Variants in CUX1 observed in about 807,000 individuals in gnomAD.
CUX1 encodes the protein protein CASP.
In CUX1, 31 loss-of-function variants were observed where a neutral mutation model predicts 158.8. That is an observed-to-expected ratio of 0.20 (90% CI 0.15 to 0.26). The LOEUF (loss-of-function observed/expected upper bound fraction) is 0.26, where lower values mean the gene tolerates loss of function less well. Ranked by LOEUF, CUX1 falls within the 10% of genes least tolerant of loss-of-function variation. CUX1 has a pLI of 1.00. For missense variants in CUX1, 1,589 were observed against 2,014.6 expected (o/e 0.79, Z 4.04); for synonymous variants, 879 against 862.1 (o/e 1.02, Z -0.34).
At chr7:102,271,966 G>A (rs1248476542) in intron 14 of CUX1, among the ~76,000 whole-genome samples, 1 of 152,208 alleles carries the variant, frequency 6.6e-6, no homozygotes, top group Non-Finnish European at 1.5e-5. Flanking sequence ...AGGTTGCAGT[G>A]AGCCGAGATG....
chr7:102,019,155 C>T (rs934675621), intron 2 of CUX1, among the ~76,000 whole-genome samples: 1 of 152,198 alleles, frequency 6.6e-6, no homozygotes, highest in African/African-American at 2.4e-5. Context: ...GGTCCACATT[C>T]AGGCATTGCC....
At chr7:101,937,302 T>C (rs920176415) in intron 2 of CUX1, among the ~76,000 whole-genome samples, 1 of 152,136 alleles carries the variant, frequency 6.6e-6, no homozygotes, top group Non-Finnish European at 1.5e-5. Flanking sequence ...CATCAATGTT[T>C]AGACCTAAAA....
chr7:101,940,689 T>G (rs1318979185), intron 2 of CUX1, among the ~76,000 whole-genome samples: 6 of 152,026 alleles, frequency 3.9e-5, no homozygotes. Flanking sequence ...TCTGGGGAGG[T>G]AAGACCAGCA....
chr7:102,145,723 G>C (rs1207687943), intron 8 of CUX1, among the ~76,000 whole-genome samples: 1 of 152,106 alleles, frequency 6.6e-6, no homozygotes, highest in Non-Finnish European at 1.5e-5. Context: ...GAGGTGGGTG[G>C]ATCATCTGAG....
At chr7:102,168,923 C>CTTTT (rs1191271149) in intron 9 of CUX1, among the ~76,000 whole-genome samples, 3 of 45,046 alleles carry the variant, frequency 6.7e-5, no homozygotes, top group African/African-American at 4.8e-4. Flanking sequence ...ATTTTCTTTT[C>CTTTT]TTTTCTTTTA....
At chr7:101,834,981 G>A (rs1794464314) in intron 1 of CUX1, among the ~76,000 whole-genome samples, 1 of 149,618 alleles carries the variant, frequency 6.7e-6, no homozygotes, top group South Asian at 2.1e-4. Flanking sequence ...GGGTGACAGA[G>A]CGAGACTCTG....
At position 102,196,911 on chromosome 7, in the gene CUX1, C is replaced by T. The variant is rs782715377; in HGVS notation, c.1500C>T (p.Ala500=). ...QSFYSKAMQE[A]GSTSMIFSTG... The stretch of plus-strand genomic sequence containing the variant: ...TCTACTCCAAGGCTATGCAGGAAGC[C>T]GGAAGCACAAGCATGATTTTTTCAA... The change falls in exon 15 of 24, where the codon GCC becomes GCT. Residue 500 remains alanine, a synonymous_variant. Coordinates refer to ENST00000292535, the MANE Select transcript of CUX1 (RefSeq NM_181552.4). The T allele has an allele frequency of 9.9e-6, 16 of 1,614,134 alleles. No homozygotes were observed. Among genetic ancestry groups the T allele is most frequent in the Non-Finnish European group, 1.3e-5 (15 of 1,180,032 alleles).
intron 23 of CUX1, among the ~76,000 whole-genome samples, chr7:102,247,422 C>T (rs1265778325): frequency 2.0e-5 from 3 of 152,228 alleles, no homozygotes; most frequent in African/African-American, 7.2e-5. Context: ...TTCGTTACTG[C>T]ACACCAGGCG....
At chr7:102,015,339 T>C (rs1023857607) in intron 2 of CUX1, among the ~76,000 whole-genome samples, 8 of 152,046 alleles carry the variant, frequency 5.3e-5, no homozygotes, top group Non-Finnish European at 7.4e-5. Flanking sequence ...GCAATTCTCC[T>C]GCCTCAGCCT....
At chr7:101,824,223 T>G (rs2906720) in intron 1 of CUX1, among the ~76,000 whole-genome samples, 110,170 of 152,044 alleles carry the variant, frequency 0.72, 40,687 homozygotes, top group African/African-American at 0.86. Context: ...CGAGTAGCTG[T>G]GATTACAGGT....
intron 2 of CUX1, among the ~76,000 whole-genome samples, chr7:102,024,340 TC>T (rs1448841806): frequency 6.6e-6 from 1 of 152,166 alleles, no homozygotes; most frequent in East Asian, 1.9e-4. Context: ...TTTTGTTTTT[TC>T]TTTGAGACAG....
At chr7:102,230,924 G>A (rs781968324) in intron 21 of CUX1, among the ~76,000 whole-genome samples, 22 of 151,900 alleles carry the variant, frequency 1.4e-4, no homozygotes, top group Non-Finnish European at 2.5e-4. Context: ...GCAGTGGCAC[G>A]ATCATAGCTT....
At chr7:102,226,532 T>G (rs1441051096) in intron 20 of CUX1, among the ~76,000 whole-genome samples, 1 of 151,972 alleles carries the variant, frequency 6.6e-6, no homozygotes, top group Non-Finnish European at 1.5e-5. Context: ...CAAGACCCCA[T>G]CTCTAAAAAC....
At chr7:102,147,391 G>A (rs1305958008) in intron 8 of CUX1, among the ~76,000 whole-genome samples, 7 of 152,198 alleles carry the variant, frequency 4.6e-5, no homozygotes, top group Non-Finnish European at 1.0e-4. Flanking sequence ...TGTTGGGCAC[G>A]GGGATGAGTG....
At chr7:102,170,146 G>A (rs188771576) in intron 9 of CUX1, among the ~76,000 whole-genome samples, 71 of 152,250 alleles carry the variant, frequency 4.7e-4, no homozygotes, top group Admixed American at 8.5e-4. Context: ...CAAAAGACTC[G>A]ATTTCCACTT....
chr7:102,282,958 G>A, intron 22 of CUX1: 7 of 1,126,420 alleles, frequency 6.2e-6, no homozygotes, highest in Non-Finnish European at 9.1e-6. Flanking sequence ...CCCATCACAT[G>A]GTACACACCC....
chr7:101,961,844 C>G (rs1394580758), intron 2 of CUX1: 1 of 145,826 alleles, frequency 6.9e-6, no homozygotes, highest in Non-Finnish European at 1.5e-5. Context: ...CCACTGCACT[C>G]CAGTCTGGGC....
intron 2 of CUX1, among the ~76,000 whole-genome samples, chr7:101,984,504 A>C (rs560019262): frequency 0.14 from 21,353 of 150,850 alleles, 1,852 homozygotes; most frequent in South Asian, 0.2. Context: ...GGCAAAAAAA[A>C]AAAAAAAAAA....
intron 4 of CUX1, among the ~76,000 whole-genome samples, chr7:102,088,282 G>A (rs1828158725): frequency 6.6e-6 from 1 of 152,200 alleles, no homozygotes; most frequent in African/African-American, 2.4e-5. Flanking sequence ...ACAAGCGTGA[G>A]CCACCGCGTC....
Sources: gnomAD v4.1 joint callset for allele counts (sites outside exome capture counted in the v4.1 genomes callset) on GRCh38, gnomAD v4.1.1 for gene constraint, MANE v1.5 for transcripts, NCBI Gene and HGNC (gene_info 2026-07-23, HGNC 2026-07-21) for gene names.